Variants in STK17A observed in about 807,000 individuals in gnomAD.
STK17A encodes serine/threonine-protein kinase 17A.
Under a neutral mutation model 43.7 loss-of-function variants are expected in STK17A, and 26 were observed. The ratio of observed to expected loss-of-function variants is 0.60; its 90% CI spans 0.44 to 0.83. The LOEUF is 0.83. STK17A is among the 40% of genes least tolerant of loss of function. The pLI is 0.00. For synonymous variants in STK17A, 191 were observed against 182.5 expected (o/e 1.05, Z -0.38); for missense variants, 476 against 511.6 (o/e 0.93, Z 0.67).
At chr7:43,610,067 C>A (rs975587095) in intron 3 of STK17A, among the ~76,000 whole-genome samples, 3 of 152,166 alleles carry the variant, frequency 2.0e-5, no homozygotes, top group African/African-American at 7.2e-5. Flanking sequence ...ATGGCCAGGG[C>A]CGGGCGCGGT....
chr7:43,608,519 T>C (rs768111564), intron 3 of STK17A, 119 bp downstream of exon 3: 31 of 1,221,840 alleles, frequency 2.5e-5, no homozygotes, highest in Admixed American at 1.3e-4. Context: ...ACAAGGATAT[T>C]AGAATTGAGT....
At chr7:43,591,625 G>A (rs1318609318) in intron 1 of STK17A, among the ~76,000 whole-genome samples, 2 of 151,690 alleles carry the variant, frequency 1.3e-5, no homozygotes, top group East Asian at 3.9e-4. Flanking sequence ...AGAGCCGTGG[G>A]AACTGCATTC....
chr7:43,612,693 G>A (rs931472457), intron 3 of STK17A, among the ~76,000 whole-genome samples: 4 of 152,102 alleles, frequency 2.6e-5, no homozygotes, highest in Non-Finnish European at 5.9e-5. Context: ...TATAATTGAC[G>A]CTATGGGAAA....
At chr7:43,596,867 CAAAAAAA>C (rs34131847) in intron 2 of STK17A, among the ~76,000 whole-genome samples, 1 of 106,604 alleles carries the variant, frequency 9.4e-6, no homozygotes, top group Admixed American at 9.4e-5. Flanking sequence ...GACTCCATCT[CAAAAAAA>C]AAAAAAAAAA....
intron 1 of STK17A, 101 bp from the exon 2 acceptor site, chr7:43,595,800 A>G (rs2082510973): frequency 9.3e-6 from 10 of 1,070,936 alleles, no homozygotes; most frequent in Non-Finnish European, 1.3e-5. Flanking sequence ...TATATAAGCT[A>G]AATTTGAATA....
intron 1 of STK17A, among the ~76,000 whole-genome samples, chr7:43,592,661 C>T (rs1175355323): frequency 7.5e-6 from 1 of 133,656 alleles, no homozygotes; most frequent in East Asian, 2.1e-4. Flanking sequence ...ACCAGCCTGG[C>T]AAACATGACG....
chr7:43,588,016 T>C (rs1200589856), intron 1 of STK17A, among the ~76,000 whole-genome samples: 4 of 151,678 alleles, frequency 2.6e-5, no homozygotes, highest in East Asian at 3.9e-4. Context: ...TTATAAAATA[T>C]GATTATTGAA....
intron 2 of STK17A, among the ~76,000 whole-genome samples, chr7:43,597,788 C>T (rs1439261656): frequency 1.3e-5 from 2 of 152,032 alleles, no homozygotes; most frequent in African/African-American, 4.8e-5. Flanking sequence ...CAAAAATTAG[C>T]TGGGAGTGGT....
chr7:43,616,786 A>G (rs2083392064), intron 3 of STK17A, among the ~76,000 whole-genome samples: 1 of 152,074 alleles, frequency 6.6e-6, no homozygotes, highest in South Asian at 2.1e-4. Context: ...AGTCCCAGCT[A>G]CTCGGGAGGC....
intron 2 of STK17A, among the ~76,000 whole-genome samples, chr7:43,602,321 T>C (rs1212822387): frequency 6.6e-6 from 1 of 152,208 alleles, no homozygotes; most frequent in African/African-American, 2.4e-5. Flanking sequence ...CTTGCCTTTC[T>C]CTTTTCCTTA....
chr7:43,590,931 C>A (rs921661293), intron 1 of STK17A, among the ~76,000 whole-genome samples: 1 of 151,546 alleles, frequency 6.6e-6, no homozygotes, highest in African/African-American at 2.4e-5. Context: ...AGCATATACA[C>A]TGGGACTTTG....
At chr7:43,593,433 A>G (rs937648985) in intron 1 of STK17A, among the ~76,000 whole-genome samples, 2 of 152,226 alleles carry the variant, frequency 1.3e-5, no homozygotes, top group African/African-American at 4.8e-5. Flanking sequence ...GCCAAGTCAA[A>G]TGGTAGTTCT....
intron 1 of STK17A, among the ~76,000 whole-genome samples, chr7:43,584,597 T>A (rs1270520948): frequency 6.6e-6 from 1 of 152,186 alleles, no homozygotes; most frequent in Non-Finnish European, 1.5e-5. Flanking sequence ...AGGCAAACAA[T>A]GTAACATTGG....
chr7:43,623,730 T>C lies in STK17A; in HGVS notation c.762T>C (p.Tyr254=). 1 of 1,607,030 alleles carries C rather than the reference T, an allele frequency of 6.2e-7. No homozygotes were observed. The highest frequency in any genetic ancestry group is 8.5e-7 in the Non-Finnish European group (1 of 1,177,492). Residue 254 remains tyrosine, a synonymous_variant, in exon 6 of 7, where the codon TAT becomes TAC. Coordinates refer to ENST00000319357, the MANE Select transcript of STK17A (RefSeq NM_004760.3). ...TDMWSIGVLT[Y]VMLTGISPFL... is the part of the protein sequence containing the mutation. Reference sequence around the variant, plus strand: ...TTAGGAGCATTGGAGTGTTAACATATGTCATGCTTACAGGAATATCACCTT... The same window carrying C: ...TTAGGAGCATTGGAGTGTTAACATACGTCATGCTTACAGGAATATCACCTT...
At position 43,627,004 on chromosome 7, in the gene STK17A, A is replaced by T. The variant is rs992275658; in HGVS notation, c.*2162A>T. On this transcript the variant is annotated 3_prime_UTR_variant, in exon 7 of 7. Transcript: ENST00000319357. ...AGTATTAGGCCAAATAAAATCTATT[A>T]ATAACTGCCAGCTAGCTCTACACTT... Among the ~76,000 whole-genome samples the T allele has an allele frequency of 6.6e-6, 1 of 151,560 alleles. No individual in the cohort carries two copies. The highest frequency in any genetic ancestry group is 1.5e-5 in the Non-Finnish European group (1 of 67,858).
At chr7:43,592,279 A>G (rs867703846) in intron 1 of STK17A, among the ~76,000 whole-genome samples, 1 of 151,710 alleles carries the variant, frequency 6.6e-6, no homozygotes, top group Non-Finnish European at 1.5e-5. Flanking sequence ...TGAGGAATTC[A>G]TTTATAGTTA....
chr7:43,613,659 A>G (rs1030241409), intron 3 of STK17A, among the ~76,000 whole-genome samples: 1 of 152,082 alleles, frequency 6.6e-6, no homozygotes, highest in Non-Finnish European at 1.5e-5. Flanking sequence ...CCCAGGCAAC[A>G]TAGTGAGACC....
At position 43,625,742 on chromosome 7, in the gene STK17A, A is replaced by C. The variant is rs1025619250; in HGVS notation, c.*900A>C. ...TTGCTTTTGTCCCAAAGTGAGTAAA[A>C]TCCCCTAGAGCAGAGAGAGAGAGAG... On this transcript the variant is annotated 3_prime_UTR_variant, in exon 7 of 7. Coordinates refer to ENST00000319357, the MANE Select transcript of STK17A (RefSeq NM_004760.3). 7.8e-6 allele frequency: 1 copy of C among 128,168 alleles called. No individual in the cohort carries two copies. Among genetic ancestry groups the C allele is most frequent in the African/African-American group, 3.5e-5 (1 of 28,552 alleles). 7.9% of individuals were successfully genotyped at this position (128,168 alleles called of 1,614,324 possible). A position where few individuals can be genotyped will look rare whatever the true frequency, so the allele number is the denominator to read the frequency against.
chr7:43,612,844 A>T (rs558839007), intron 3 of STK17A, among the ~76,000 whole-genome samples: 1 of 152,118 alleles, frequency 6.6e-6, no homozygotes, highest in African/African-American at 2.4e-5. Flanking sequence ...CAGATTTAGG[A>T]GTCTGTAAAA....
Sources: gnomAD v4.1 joint callset for allele counts (sites outside exome capture counted in the v4.1 genomes callset) on GRCh38, gnomAD v4.1.1 for gene constraint, MANE v1.5 for transcripts, NCBI Gene and HGNC (gene_info 2026-07-23, HGNC 2026-07-21) for gene names.